The following MYCBP2 variants were observed in gnomAD, a reference collection of about 807,000 sequenced individuals.
MYCBP2 encodes the protein MYC binding protein 2, also known as E3 ubiquitin-protein ligase MYCBP2.
A neutral mutation model predicts 525.3 loss-of-function variants in MYCBP2; 120 were observed. The ratio of observed to expected loss-of-function variants is 0.23; its 90% CI spans 0.20 to 0.27. The LOEUF (loss-of-function observed/expected upper bound fraction) is 0.27, where lower values mean the gene tolerates loss of function less well. Ranked by LOEUF, MYCBP2 falls within the 10% of genes least tolerant of loss-of-function variation. MYCBP2 has a pLI of 1.00. For missense variants in MYCBP2, 4,149 were observed against 5,657.1 expected, an observed-to-expected ratio of 0.73 and a Z score of 8.55; for synonymous variants, 1,894 against 1,955.8, an observed-to-expected ratio of 0.97 and a Z score of 0.83.
intron 55 of MYCBP2, among the ~76,000 whole-genome samples, chr13:77,116,411 T>G (rs2049776141): frequency 2.6e-5 from 4 of 151,954 alleles, no homozygotes; most frequent in African/African-American, 9.7e-5. Flanking sequence ...GTTGGCACTT[T>G]GCCACATTTA....
intron 55 of MYCBP2, among the ~76,000 whole-genome samples, chr13:77,116,052 T>C (rs964895955): frequency 6.6e-6 from 1 of 151,908 alleles, no homozygotes; most frequent in Non-Finnish European, 1.5e-5. Context: ...ACCATTTTAC[T>C]ATGTATGTTT....
intron 62 of MYCBP2, among the ~76,000 whole-genome samples, chr13:77,087,243 T>C (rs72628060): frequency 0.042 from 6,360 of 152,232 alleles, 203 homozygotes; most frequent in East Asian, 0.13. Context: ...ACAACTACAA[T>C]AGGGTAGAAA....
At chr13:77,313,266 A>G in intron 1 of MYCBP2, among the ~76,000 whole-genome samples, 1 of 152,106 alleles carries the variant, frequency 6.6e-6, no homozygotes, top group Non-Finnish European at 1.5e-5. Flanking sequence ...GAAAAATTTA[A>G]AATCAATGGC....
intron 58 of MYCBP2, 76 bp from the exon 59 acceptor site, chr13:77,093,408 C>G: frequency 1.6e-6 from 2 of 1,260,806 alleles, no homozygotes; most frequent in Non-Finnish European, 2.2e-6. Flanking sequence ...TCTTTCATAA[C>G]AGGAAAAGCA....
intron 52 of MYCBP2, among the ~76,000 whole-genome samples, chr13:77,137,812 G>T (rs2053991659): frequency 6.6e-6 from 1 of 152,074 alleles, no homozygotes; most frequent in Non-Finnish European, 1.5e-5. Context: ...CTGGTCTCCT[G>T]ACCTCAGGTG....
intron 52 of MYCBP2, among the ~76,000 whole-genome samples, chr13:77,138,502 A>G (rs999780859): frequency 6.6e-6 from 1 of 152,336 alleles, no homozygotes; most frequent in Admixed American, 6.5e-5. Flanking sequence ...TATTAGCTCT[A>G]TCCTAAAGAG....
At position 77,199,039 on chromosome 13, in the gene MYCBP2, C is replaced by T. The variant is rs1235767809; in HGVS notation, c.3844-4795G>A. The stretch of plus-strand genomic sequence containing the variant: ...AGTATTACTGTAGGGGGGGAGGAGG[C>T]AAGATGGCTGAATAGGAACAGCTCC... On this transcript the variant is annotated intron_variant, in intron 26 of 82. Transcript: ENST00000544440. Among the ~76,000 whole-genome samples the T allele has an allele frequency of 2.6e-5, 4 of 152,152 alleles. No homozygotes were observed. In the East Asian group the frequency reaches 7.7e-4, roughly 29 times the overall value.
Position 77,099,433 on chromosome 13 carries a change from A to G in MYCBP2, c.8141-420T>C, listed in dbSNP as rs76794457. 330 of 194,948 alleles carry G rather than the reference A, an allele frequency of 1.7e-3. 3 individuals are homozygous for G. The highest frequency in any genetic ancestry group is 5.4e-3 in the African/African-American group (226 of 42,014). The allele number at this position is 194,948 out of a possible 1,614,324, so 12.1% of individuals were successfully genotyped here. A position where few individuals can be genotyped will look rare whatever the true frequency, so the allele number is the denominator to read the frequency against. ...GTAGAGCTAAATTTCCAGCAGAGTG[A>G]TACCTCGCATCCTTAGGGCAACGGT... On this transcript the variant is annotated intron_variant, in intron 55 of 82. Coordinates refer to ENST00000544440, the MANE Select transcript of MYCBP2 (RefSeq NM_015057.5).
intron 52 of MYCBP2, among the ~76,000 whole-genome samples, chr13:77,134,602 G>A (rs1168697700): frequency 6.6e-6 from 1 of 151,518 alleles, no homozygotes; most frequent in African/African-American, 2.4e-5. Context: ...AAGGAAAAGT[G>A]TTCTAAAAAG....
At chr13:77,183,179 T>A (rs2060374753) in intron 32 of MYCBP2, among the ~76,000 whole-genome samples, 1 of 152,210 alleles carries the variant, frequency 6.6e-6, no homozygotes, top group South Asian at 2.1e-4. Context: ...TGTTTCTGAG[T>A]GATATTCATC....
chr13:77,057,065 T>C lies in MYCBP2; in HGVS notation c.13358A>G (p.Gln4453Arg), dbSNP rs751721940. The stretch of plus-strand genomic sequence containing the variant: ...ATTTTCTAATACTCGCCGACAGCAC[T>C]GTAAGTGGAATATGTGACTACAATC... ...QLDCSHIFHL[Q>R]CCRRVLENRW... is the part of the protein sequence containing the mutation. Residue 4453 changes from glutamine (Q) to arginine (R), a missense_variant, in exon 79 of 83, where the codon CAG (glutamine) becomes CGG (arginine). By Grantham distance (43) the Gln-to-Arg change is conservative. Around this residue, in one of 21 missense-constraint regions of MYCBP2, gnomAD observed 220 missense variants for 396.0 expected, o/e 0.56. Transcript: ENST00000544440. 6.2e-6 allele frequency: 10 copies of C among 1,613,608 alleles called. No homozygotes were observed. Among genetic ancestry groups the C allele is most frequent in the Non-Finnish European group, 7.6e-6 (9 of 1,179,724 alleles).
chr13:77,233,001 C>T (rs997895216), intron 18 of MYCBP2, among the ~76,000 whole-genome samples, 155 bp downstream of exon 18: 3 of 152,170 alleles, frequency 2.0e-5, no homozygotes, highest in South Asian at 2.1e-4. Context: ...CACTGACAAA[C>T]GGTATCACTT....
intron 1 of MYCBP2, among the ~76,000 whole-genome samples, chr13:77,318,516 G>A (rs577896811): frequency 1.1e-4 from 16 of 152,342 alleles, no homozygotes; most frequent in South Asian, 2.1e-4. Context: ...AGCACTTTGG[G>A]AGAACGAGGC....
At chr13:77,048,641 C>T (rs2036090623) in intron 82 of MYCBP2, among the ~76,000 whole-genome samples, 2 of 152,112 alleles carry the variant, frequency 1.3e-5, no homozygotes, top group Admixed American at 1.3e-4. Context: ...CCCTAGCCCT[C>T]AATTTTCCAT....
At chr13:77,077,435 T>C (rs2042504150) in intron 66 of MYCBP2, 48 bp from the exon 67 acceptor site, 1 of 1,607,202 alleles carries the variant, frequency 6.2e-7, no homozygotes, top group African/African-American at 1.3e-5. Context: ...TGGATCACTT[T>C]TATCACTGTG....
rs566743583 is a variant in MYCBP2 at position 77,327,069 on chromosome 13, G to A, written c.-294C>T. 2 of 439,104 alleles carry A rather than the reference G, an allele frequency of 4.6e-6. No homozygotes were observed. The highest frequency in any genetic ancestry group is 3.9e-6 in the Non-Finnish European group (1 of 253,308). The allele number at this position is 439,104 out of a possible 1,614,324, so 27.2% of individuals were successfully genotyped here. A position where few individuals can be genotyped will look rare whatever the true frequency, so the allele number is the denominator to read the frequency against. On this transcript the variant is annotated 5_prime_UTR_variant, in exon 1 of 83. Coordinates refer to ENST00000544440, the MANE Select transcript of MYCBP2 (RefSeq NM_015057.5). ...CACCACCGCTACCACCGCCACCACC[G>A]CCGGGGCTACCCGCAATGGGAAGCT...
chr13:77,158,205 C>G (rs80039578), intron 44 of MYCBP2, 96 bp from the exon 45 acceptor site: 16 of 676,628 alleles, frequency 2.4e-5, no homozygotes, highest in East Asian at 1.3e-4. Flanking sequence ...TAGGCCTTTA[C>G]GGAGAAATCA....
intron 4 of MYCBP2, among the ~76,000 whole-genome samples, chr13:77,276,801 T>C (rs961345726): frequency 9.0e-5 from 13 of 143,788 alleles, no homozygotes; most frequent in African/African-American, 3.4e-4. Context: ...TGAGTAGCAC[T>C]CATTTCCATG....
chr13:77,280,507 C>G (rs1230702168), intron 3 of MYCBP2, among the ~76,000 whole-genome samples: 1 of 152,188 alleles, frequency 6.6e-6, no homozygotes, highest in African/African-American at 2.4e-5. Context: ...TTCTGTTATT[C>G]TTTCAGATTG....
Sources: allele counts gnomAD v4.1 joint callset (sites outside exome capture counted in the v4.1 genomes callset), GRCh38; gene constraint gnomAD v4.1.1; regional missense constraint gnomAD v4.1.1; transcripts MANE v1.5; gene names NCBI Gene and HGNC (gene_info 2026-07-23, HGNC 2026-07-21).